SUFU: variants seen among roughly 807,000 people sequenced by gnomAD.
SUFU encodes SUFU negative regulator of hedgehog signaling.
Under a neutral mutation model 58.9 loss-of-function variants are expected in SUFU, and 7 were observed. The ratio of observed to expected loss-of-function variants is 0.12; its 90% CI spans 0.07 to 0.22. The LOEUF (loss-of-function observed/expected upper bound fraction) is 0.22. Among genes scored for constraint, SUFU ranks in the 10% least tolerant of loss-of-function variants. The pLI, the probability that SUFU is intolerant of heterozygous loss-of-function variation, is 1.00. For missense variants in SUFU, 451 were observed against 641.3 expected (o/e 0.70, Z 3.20); for synonymous variants, 232 against 254.8 (o/e 0.91, Z 0.85).
intron 3 of SUFU, among the ~76,000 whole-genome samples, chr10:102,589,603 G>T (rs920311695): frequency 6.6e-6 from 1 of 151,654 alleles, no homozygotes; most frequent in African/African-American, 2.4e-5. Flanking sequence ...ACGCCACCAC[G>T]CCTGGCTAAT....
intron 3 of SUFU, among the ~76,000 whole-genome samples, chr10:102,550,700 T>G (rs1017951530): frequency 1.3e-5 from 2 of 151,990 alleles, no homozygotes; most frequent in Non-Finnish European, 2.9e-5. Flanking sequence ...AGAGACTAAA[T>G]TTGGAGAACC....
intron 2 of SUFU, among the ~76,000 whole-genome samples, chr10:102,517,769 T>G (rs1038860302): frequency 6.6e-6 from 1 of 152,202 alleles, no homozygotes; most frequent in Non-Finnish European, 1.5e-5. Flanking sequence ...AGGAATGGTA[T>G]CCTCACCCGT....
chr10:102,621,242 T>G (rs1451652355), intron 10 of SUFU, among the ~76,000 whole-genome samples: 1 of 152,226 alleles, frequency 6.6e-6, no homozygotes, highest in Non-Finnish European at 1.5e-5. Context: ...CCAGGCATAC[T>G]TATTCTCCCT....
At position 102,589,442 on chromosome 10, in the gene SUFU, CTTTTTTT is replaced by C. The variant is rs747625757; in HGVS notation, c.455-3125_455-3119del. 1.5e-4 allele frequency among the ~76,000 whole-genome samples: 10 copies of C among 65,364 alleles called. No individual in the cohort carries two copies. The East Asian group carries it at 3.2e-3, about 21-fold the overall frequency. 42.9% of individuals were successfully genotyped at this position (65,364 alleles called of 152,430 possible). ...CAATCTGGAAGTATTTTCTTTCTTT[CTTTTTTT>C]TTTTTTTTTTTTTTGAGACAGTGTC... is the stretch of plus-strand genomic sequence containing the variant. On this transcript the variant is annotated intron_variant, in intron 3 of 11. Coordinates refer to ENST00000369902, the MANE Select transcript of SUFU (RefSeq NM_016169.4).
intron 8 of SUFU, among the ~76,000 whole-genome samples, chr10:102,614,985 G>A (rs1380858746): frequency 6.6e-6 from 1 of 151,922 alleles, no homozygotes; most frequent in African/African-American, 2.4e-5. Flanking sequence ...TGTGCAACCT[G>A]TGCAAATTAC....
Position 102,597,239 on chromosome 10 carries a change from G to A in SUFU, c.856G>A (p.Glu286Lys), listed in dbSNP as rs564728455. 5.6e-6 allele frequency: 9 copies of A among 1,613,864 alleles called. No individual in the cohort carries two copies. Among genetic ancestry groups the A allele is most frequent in the Non-Finnish European group, 6.8e-6 (8 of 1,180,026 alleles). Reference sequence around the variant, plus strand: ...CCTGAGCCGGCCCCCCGAGGATGACGAGGACAGCCGGAGCATCTGCATCGG... The same window carrying A: ...CCTGAGCCGGCCCCCCGAGGATGACAAGGACAGCCGGAGCATCTGCATCGG... Reference protein sequence around the residue: ...DDLSRPPEDDEDSRSICIGTQ... With the variant: ...DDLSRPPEDDKDSRSICIGTQ... The change falls in exon 7 of 12, where the codon GAG (glutamate) becomes AAG (lysine). Residue 286 changes from glutamate (E) to lysine (K), a missense_variant. Glu to Lys is a moderately conservative substitution (Grantham distance 56). Coordinates refer to ENST00000369902, the MANE Select transcript of SUFU (RefSeq NM_016169.4).
chr10:102,534,853 A>G (rs939551396), intron 2 of SUFU, among the ~76,000 whole-genome samples: 2 of 152,132 alleles, frequency 1.3e-5, no homozygotes, highest in African/African-American at 4.8e-5. Flanking sequence ...GTTTCTCTAT[A>G]GTCTCTGGGT....
chr10:102,554,990 C>T (rs544679645), intron 3 of SUFU, among the ~76,000 whole-genome samples: 54 of 152,210 alleles, frequency 3.5e-4, no homozygotes, highest in African/African-American at 1.0e-3. Context: ...ATGGATTGGC[C>T]GGGCGCAGTG....
chr10:102,521,403 G>T (rs2062549725), intron 2 of SUFU, among the ~76,000 whole-genome samples: 1 of 152,042 alleles, frequency 6.6e-6, no homozygotes, highest in East Asian at 1.9e-4. Context: ...TTTTTCTTTT[G>T]GTCACTTCTC....
chr10:102,550,724 C>T (rs1219748720), intron 3 of SUFU, among the ~76,000 whole-genome samples: 1 of 146,458 alleles, frequency 6.8e-6, no homozygotes, highest in African/African-American at 2.5e-5. Context: ...GATCTGGTAG[C>T]TTCTGTAGTT....
At chr10:102,517,143 C>G (rs2062480986) in intron 2 of SUFU, among the ~76,000 whole-genome samples, 1 of 151,150 alleles carries the variant, frequency 6.6e-6, no homozygotes, top group Admixed American at 6.6e-5. Flanking sequence ...AAAAAATTAG[C>G]TGGGCATGGT....
At chr10:102,584,686 T>G (rs1283784927) in intron 3 of SUFU, among the ~76,000 whole-genome samples, 2 of 152,222 alleles carry the variant, frequency 1.3e-5, no homozygotes, top group African/African-American at 2.4e-5. Flanking sequence ...TTAATTTTCC[T>G]TATTTAGTAT....
At chr10:102,514,822 C>G (rs1422412290) in intron 2 of SUFU, among the ~76,000 whole-genome samples, 1 of 152,256 alleles carries the variant, frequency 6.6e-6, no homozygotes, top group African/African-American at 2.4e-5. Flanking sequence ...TAGACAGAGC[C>G]TATGGGGCCC....
At chr10:102,556,039 G>A (rs1361694046) in intron 3 of SUFU, among the ~76,000 whole-genome samples, 1 of 152,218 alleles carries the variant, frequency 6.6e-6, no homozygotes, top group East Asian at 1.9e-4. Flanking sequence ...GTGTAATCAA[G>A]CAAGTGAACT....
intron 2 of SUFU, among the ~76,000 whole-genome samples, chr10:102,527,254 G>T (rs2062620627): frequency 6.6e-6 from 1 of 151,788 alleles, no homozygotes; most frequent in African/African-American, 2.4e-5. Flanking sequence ...CGCCCACCTT[G>T]GCCTCCCAGA....
chr10:102,621,765 C>T (rs2063742039), intron 10 of SUFU, among the ~76,000 whole-genome samples: 1 of 152,204 alleles, frequency 6.6e-6, no homozygotes, highest in Admixed American at 6.5e-5. Context: ...GCAAGTACAA[C>T]GTGTCAACAT....
intron 3 of SUFU, among the ~76,000 whole-genome samples, chr10:102,558,755 A>G (rs1189761831): frequency 1.3e-5 from 2 of 152,246 alleles, no homozygotes; most frequent in Non-Finnish European, 2.9e-5. Flanking sequence ...AGTTGCTGCC[A>G]CGGGACTGGA....
rs972716950 is a variant in SUFU, at chr10:102,629,750, T to G, written c.1366-316T>G. Among the ~76,000 whole-genome samples the G allele has an allele frequency of 3.3e-5, 5 of 152,114 alleles. No individual in the cohort carries two copies. The highest frequency in any genetic ancestry group is 6.5e-5 in the Admixed American group (1 of 15,272). On this transcript the variant is annotated intron_variant, in intron 11 of 11. Coordinates refer to ENST00000369902, the MANE Select transcript of SUFU (RefSeq NM_016169.4). This position sits in a 1 kb window ranked among gnomAD's most constrained non-coding sequence, Gnocchi z 4.7. ...AGCCCCAGGGCCTCAGGGAGCAGATTCTTTACATGCCTGTGGCCAGAGGCA... is the reference window on the plus strand; with the variant it reads ...AGCCCCAGGGCCTCAGGGAGCAGATGCTTTACATGCCTGTGGCCAGAGGCA...
intron 3 of SUFU, among the ~76,000 whole-genome samples, chr10:102,558,140 G>C (rs912191817): frequency 2.0e-5 from 3 of 152,164 alleles, no homozygotes; most frequent in Non-Finnish European, 2.9e-5. Context: ...GACTTCAGGT[G>C]ATCCACCCGC....
Sources: gnomAD v4.1 joint callset for allele counts (sites outside exome capture counted in the v4.1 genomes callset) on GRCh38, gnomAD v4.1.1 for gene constraint, Gnocchi (gnomAD v3.1) non-coding constraint, MANE v1.5 for transcripts, NCBI Gene and HGNC (gene_info 2026-07-23, HGNC 2026-07-21) for gene names.